Variants in UGT1A7 observed in about 807,000 individuals in gnomAD.
UGT1A7 encodes the protein UDP-glucuronosyltransferase 1A7.
A neutral mutation model predicts 45.6 loss-of-function variants in UGT1A7; 33 were observed. The ratio of observed to expected loss-of-function variants is 0.72; its 90% confidence interval spans 0.55 to 0.97. The LOEUF (loss-of-function observed/expected upper bound fraction) is 0.97, where lower values mean the gene tolerates loss of function less well. Among genes scored for constraint, UGT1A7 ranks in the 50% least tolerant of loss-of-function variants. The pLI is 0.00. For missense variants in UGT1A7, 684 were observed against 666.2 expected (o/e 1.03, Z -0.29); for synonymous variants, 274 against 250.6 (o/e 1.09, Z -0.88).
chr2:233,690,850 T>C, intron 1 of UGT1A7: 2 of 1,067,618 alleles, frequency 1.9e-6, no homozygotes, highest in Non-Finnish European at 2.3e-6. Flanking sequence ...TGTTTTCTAA[T>C]ACCTTCTTAA....
At chr2:233,729,018 A>G in intron 1 of UGT1A7, 6 of 1,591,202 alleles carry the variant, frequency 3.8e-6, no homozygotes, top group Non-Finnish European at 5.1e-6. Context: ...TCTTCCAATT[A>G]CACGTTGATT....
chr2:233,762,899 T>C (rs1698190736), intron 1 of UGT1A7, among the ~76,000 whole-genome samples: 1 of 152,218 alleles, frequency 6.6e-6, no homozygotes, highest in Non-Finnish European at 1.5e-5. Context: ...ATGCCAAATA[T>C]CAGGGCTATT....
rs2074558272 is a variant in UGT1A7, at chr2:233,682,107, T to C, written c.170T>C (p.Val57Ala). 1 of 1,614,026 alleles carries C rather than the reference T, an allele frequency of 6.2e-7. No individual in the cohort carries two copies. The highest frequency in any genetic ancestry group is 1.3e-5 in the African/African-American group (1 of 74,932). Residue 57 changes from valine (V) to alanine (A), a missense_variant, in exon 1 of 5, where the codon GTA becomes GCA. Coordinates refer to ENST00000373426, the MANE Select transcript of UGT1A7 (RefSeq NM_019077.3). ...KLILRGHEVV[V>A]VMPEVSWQLG... ...ATCCTCAGGGGGCATGAGGTGGTCG[T>C]AGTCATGCCAGAGGTGAGTTGGCAA...
intron 1 of UGT1A7, among the ~76,000 whole-genome samples, chr2:233,746,573 G>A (rs1403247476): frequency 6.6e-6 from 1 of 151,756 alleles, no homozygotes; most frequent in Admixed American, 6.5e-5. Flanking sequence ...ACCACACCCT[G>A]TAATTGCCTA....
At position 233,682,227 on chromosome 2, in the gene UGT1A7, G is replaced by A. The variant is rs1227040753; in HGVS notation, c.290G>A (p.Arg97His). 3.7e-6 allele frequency: 6 copies of A among 1,614,074 alleles called. No individual in the cohort carries two copies. Among genetic ancestry groups the A allele is most frequent in the African/African-American group, 1.3e-5 (1 of 74,938 alleles). Residue 97 changes from arginine to histidine, a missense_variant, in exon 1 of 5, where the codon CGC (arginine) becomes CAC (histidine). Coordinates refer to ENST00000373426, the MANE Select transcript of UGT1A7 (RefSeq NM_019077.3). ...DREFMVFADA[R>H]WTAPLRSAFS... is the part of the protein sequence containing the mutation. Reference sequence around the variant, plus strand: ...GAGTTCATGGTTTTTGCCGATGCTCGCTGGACGGCACCATTGCGAAGTGCA... The same window carrying A: ...GAGTTCATGGTTTTTGCCGATGCTCACTGGACGGCACCATTGCGAAGTGCA...
chr2:233,728,673 T>C (rs1429159158), intron 1 of UGT1A7, among the ~76,000 whole-genome samples: 1 of 152,152 alleles, frequency 6.6e-6, no homozygotes, highest in Non-Finnish European at 1.5e-5. Context: ...TACTCATACA[T>C]GAGAAGAAAG....
chr2:233,730,522 G>A (rs45560734), intron 1 of UGT1A7, among the ~76,000 whole-genome samples: 4,919 of 152,208 alleles, frequency 0.032, 260 homozygotes, highest in African/African-American at 0.11. Flanking sequence ...TGGAAGTGGG[G>A]CAATGAAGTT....
rs1361976171 is a variant in UGT1A7, at chr2:233,732,838, C to T, written c.856-34196C>T. ...ATATGAACTTTAAAGTAGTTTTTTC[C>T]AATTTTGTGAAGTCATTGGTAGCTT... On this transcript the variant is annotated intron_variant, in intron 1 of 4. Transcript: ENST00000373426. Among the ~76,000 whole-genome samples, 5 of 149,882 alleles carry T rather than the reference C, an allele frequency of 3.3e-5. No homozygotes were observed. The East Asian group carries it at 7.8e-4, about 23-fold the overall frequency.
chr2:233,729,554 C>G, intron 1 of UGT1A7: 1 of 1,614,178 alleles, frequency 6.2e-7, no homozygotes, highest in Non-Finnish European at 8.5e-7. Flanking sequence ...CACCTGAATG[C>G]TACTTCCTTT....
chr2:233,760,050 C>T (rs995974685), intron 1 of UGT1A7, among the ~76,000 whole-genome samples: 2 of 152,142 alleles, frequency 1.3e-5, no homozygotes, highest in Admixed American at 6.5e-5. Context: ...TGTGTTCACT[C>T]AAGAATGTGA....
chr2:233,734,278 T>A (rs2078507022), intron 1 of UGT1A7, among the ~76,000 whole-genome samples: 1 of 152,194 alleles, frequency 6.6e-6, no homozygotes, highest in Admixed American at 6.5e-5. Flanking sequence ...CAGGAATTTA[T>A]CCATTTCTTC....
intron 1 of UGT1A7, among the ~76,000 whole-genome samples, chr2:233,723,234 T>C (rs1308152593): frequency 3.2e-4 from 38 of 117,916 alleles, no homozygotes; most frequent in African/African-American, 1.4e-3. Context: ...TTTTTTGAGT[T>C]GGAGTCCTGC....
chr2:233,744,048 C>T (rs982904755), intron 1 of UGT1A7: 4 of 712,778 alleles, frequency 5.6e-6, no homozygotes, highest in Non-Finnish European at 8.0e-6. Context: ...AGCCACATCT[C>T]ATTGGTCGAG....
At chr2:233,730,076 AT>A (rs1473857752) in intron 1 of UGT1A7, 33 of 1,607,120 alleles carry the variant, frequency 2.1e-5, no homozygotes, top group Non-Finnish European at 2.4e-5. Flanking sequence ...TTGCTTCCAT[AT>A]TTACTTATCT....
At position 233,772,285 on chromosome 2, in the gene UGT1A7, T is replaced by C. The variant is rs758411577; in HGVS notation, c.1319T>C (p.Leu440Pro). The change falls in exon 5 of 5, where the codon CTC becomes CCC. Residue 440 changes from leucine to proline, a missense_variant. Leu to Pro is a moderately conservative substitution (Grantham distance 98). Coordinates refer to ENST00000373426, the MANE Select transcript of UGT1A7 (RefSeq NM_019077.3). ...DKSYKENIMRLSSLHKDRPVE... is the reference protein window; with the variant it reads ...DKSYKENIMRPSSLHKDRPVE... ...AGTTACAAGGAGAACATCATGCGCC[T>C]CTCCAGCCTTCACAAGGACCGCCCG... 3.1e-6 allele frequency: 5 copies of C among 1,614,220 alleles called. No individual in the cohort carries two copies. The highest frequency in any genetic ancestry group is 3.4e-6 in the Non-Finnish European group (4 of 1,180,040).
Position 233,682,693 on chromosome 2 carries a change from G to T in UGT1A7, c.756G>T (p.Leu252Phe). 2 of 1,613,776 alleles carry T rather than the reference G, an allele frequency of 1.2e-6. No individual in the cohort carries two copies. The highest frequency in any genetic ancestry group is 1.7e-6 in the Non-Finnish European group (2 of 1,179,802). The change falls in exon 1 of 5, where the codon TTG (leucine) becomes TTT (phenylalanine). Residue 252 changes from leucine to phenylalanine, a missense_variant. Coordinates refer to ENST00000373426, the MANE Select transcript of UGT1A7 (RefSeq NM_019077.3). ...TCTACAGCCACACATCAATTTGGTT[G>T]TTGCGAACTGACTTTGTTTTGGAGT... The part of the protein sequence containing the change: ...YDLYSHTSIW[L>F]LRTDFVLEYP...
chr2:233,703,218 C>G (rs1053739567), intron 1 of UGT1A7, among the ~76,000 whole-genome samples: 7 of 152,130 alleles, frequency 4.6e-5, no homozygotes, highest in Non-Finnish European at 1.0e-4. Context: ...TCTAAGTTAT[C>G]TAATTCCTTG....
chr2:233,702,785 G>A (rs1179853330), intron 1 of UGT1A7, among the ~76,000 whole-genome samples: 1 of 152,106 alleles, frequency 6.6e-6, no homozygotes, highest in Admixed American at 6.5e-5. Flanking sequence ...AGGTGTAAAC[G>A]AACCTTGTAT....
In UGT1A7 at chr2:233,737,318, G is replaced by C. The variant is rs1217578074; in HGVS notation, c.856-29716G>C. On this transcript the variant is annotated intron_variant, in intron 1 of 4. Coordinates refer to ENST00000373426, the MANE Select transcript of UGT1A7 (RefSeq NM_019077.3). ...CCTCACAGTTCAATCTCAGACTGCT[G>C]CACTAGCAGTGAGCAAGGCTCCGTG... 2.0e-5 allele frequency among the ~76,000 whole-genome samples: 3 copies of C among 152,236 alleles called. No homozygotes were observed. In the East Asian group the frequency reaches 5.8e-4, roughly 29 times the overall value.
Sources: allele counts gnomAD v4.1 joint callset (sites outside exome capture counted in the v4.1 genomes callset), GRCh38; gene constraint gnomAD v4.1.1; transcripts MANE v1.5; gene names NCBI Gene and HGNC (gene_info 2026-07-23, HGNC 2026-07-21).